Variants in RPTOR observed in about 807,000 individuals in gnomAD.
RPTOR encodes regulatory-associated protein of mTOR.
In RPTOR, 21 loss-of-function variants were observed where a neutral mutation model predicts 169.9. The observed-to-expected ratio is 0.12, with a 90% CI of 0.09 to 0.18. The LOEUF is 0.18. Ranked by LOEUF, RPTOR falls within the 10% of genes least tolerant of loss-of-function variation. The pLI, the probability that RPTOR is intolerant of heterozygous loss-of-function variation, is 1.00. For missense variants in RPTOR, 1,133 were observed against 1,855.9 expected (o/e 0.61, Z 7.16); for synonymous variants, 732 against 753.2 (o/e 0.97, Z 0.46).
chr17:80,838,462 G>T (rs1208012114), intron 10 of RPTOR, among the ~76,000 whole-genome samples: 1 of 152,228 alleles, frequency 6.6e-6, no homozygotes, highest in Non-Finnish European at 1.5e-5. Flanking sequence ...CGGAACCTGG[G>T]TTTAGTCGCC....
rs557872611 is a variant in RPTOR, at chr17:80,782,760, A to G, written c.831-8690A>G. On this transcript the variant is annotated intron_variant, in intron 6 of 33. Coordinates refer to ENST00000306801, the MANE Select transcript of RPTOR (RefSeq NM_020761.3). ...AACTCCAGTCCTCTGTGGCTGTCCC[A>G]CTTCCTGACAGCTTGGCTTCCTTCA... is the stretch of plus-strand genomic sequence containing the variant. 1.6e-3 allele frequency among the ~76,000 whole-genome samples: 237 copies of G among 152,286 alleles called. 1 individual carries two copies. The highest frequency in any genetic ancestry group is 5.5e-3 in the African/African-American group (229 of 41,554).
chr17:80,557,660 C>T lies in RPTOR; in HGVS notation c.162+11869C>T, dbSNP rs184205836. ...TGGAAAATGGCCAGGCACAGTGGCTCACGCCTGTAATCCTAGCACTTTGGG... is the reference window on the plus strand; with the variant it reads ...TGGAAAATGGCCAGGCACAGTGGCTTACGCCTGTAATCCTAGCACTTTGGG... On this transcript the variant is annotated intron_variant, in intron 1 of 33. Coordinates refer to ENST00000306801, the MANE Select transcript of RPTOR (RefSeq NM_020761.3). Among the ~76,000 whole-genome samples, 335 of 152,206 alleles carry T rather than the reference C, an allele frequency of 2.2e-3. 4 individuals carry two copies. The highest frequency in any genetic ancestry group is 7.5e-3 in the African/African-American group (313 of 41,544).
intron 1 of RPTOR, among the ~76,000 whole-genome samples, chr17:80,578,182 T>C (rs913166343): frequency 3.3e-5 from 5 of 152,128 alleles, no homozygotes; most frequent in African/African-American, 1.2e-4. Context: ...GGTTGTTTAG[T>C]GTGGAGTAAA....
At chr17:80,768,618 G>A (rs1442658115) in intron 6 of RPTOR, among the ~76,000 whole-genome samples, 1 of 152,108 alleles carries the variant, frequency 6.6e-6, no homozygotes, top group Non-Finnish European at 1.5e-5. Flanking sequence ...TGGGAAGAAA[G>A]TCATTTGTTG....
chr17:80,547,708 G>GT (rs1432241114), intron 1 of RPTOR, among the ~76,000 whole-genome samples: 1 of 152,164 alleles, frequency 6.6e-6, no homozygotes, highest in Non-Finnish European at 1.5e-5. Flanking sequence ...CTCAAGGACC[G>GT]TATCACACAT....
chr17:80,557,662 C>T (rs1351903730), intron 1 of RPTOR, among the ~76,000 whole-genome samples: 1 of 152,098 alleles, frequency 6.6e-6, no homozygotes, highest in East Asian at 1.9e-4. Flanking sequence ...CAGTGGCTCA[C>T]GCCTGTAATC....
chr17:80,753,700 G>T (rs1318871240), intron 5 of RPTOR, among the ~76,000 whole-genome samples: 1 of 151,786 alleles, frequency 6.6e-6, no homozygotes, highest in Non-Finnish European at 1.5e-5. Flanking sequence ...AGACCTGGTG[G>T]ACAGTGATAC....
At chr17:80,740,845 A>C (rs1374369474) in intron 5 of RPTOR, among the ~76,000 whole-genome samples, 2 of 152,188 alleles carry the variant, frequency 1.3e-5, no homozygotes. Flanking sequence ...TTTCCCCCTT[A>C]AGATTGGAAG....
intron 21 of RPTOR, among the ~76,000 whole-genome samples, chr17:80,922,232 A>G (rs73355873): frequency 0.019 from 2,962 of 152,290 alleles, 104 homozygotes; most frequent in African/African-American, 0.067. Context: ...CGGAAAGAGC[A>G]TGGCTGGTGG....
intron 23 of RPTOR, among the ~76,000 whole-genome samples, chr17:80,924,951 A>G (rs1030463046): frequency 2.6e-5 from 4 of 152,210 alleles, no homozygotes; most frequent in Non-Finnish European, 4.4e-5. Context: ...CGTCCAGGCC[A>G]CTTCACATGG....
chr17:80,617,341 C>T (rs1230208983), intron 1 of RPTOR, among the ~76,000 whole-genome samples: 1 of 152,212 alleles, frequency 6.6e-6, no homozygotes, highest in Non-Finnish European at 1.5e-5. Context: ...TTTTAAACAG[C>T]TCTACTGAGA....
At chr17:80,890,157 C>T (rs964784173) in intron 17 of RPTOR, among the ~76,000 whole-genome samples, 5 of 152,176 alleles carry the variant, frequency 3.3e-5, no homozygotes, top group Admixed American at 2.0e-4. Context: ...GGACATTCCC[C>T]TTGAATAACA....
chr17:80,781,180 C>T (rs1229615576), intron 6 of RPTOR, among the ~76,000 whole-genome samples: 1 of 152,172 alleles, frequency 6.6e-6, no homozygotes, highest in Non-Finnish European at 1.5e-5. Context: ...GTGACATTGC[C>T]GGGTGGCCTG....
At position 80,708,984 on chromosome 17, in the gene RPTOR, C is replaced by T. The variant is rs2066163515; in HGVS notation, c.507+985C>T. 1.0e-6 allele frequency: 1 copy of T among 985,616 alleles called. No individual in the cohort carries two copies. Among genetic ancestry groups the T allele is most frequent in the African/African-American group, 1.7e-5 (1 of 57,214 alleles). 61.1% of individuals were successfully genotyped at this position (985,616 alleles called of 1,614,324 possible). A position where few individuals can be genotyped will look rare whatever the true frequency, so the allele number is the denominator to read the frequency against. ...TCTTCACACACTGAACTCTCGGTTC[C>T]CGCCTACCGTCCCGGGTTCGCAGCT... is the stretch of plus-strand genomic sequence containing the variant. On this transcript the variant is annotated intron_variant, in intron 4 of 33. Transcript: ENST00000306801. The surrounding 1 kb of genome is among the most constrained non-coding windows in gnomAD (Gnocchi z 4.2).
At chr17:80,818,959 G>A (rs1195338861) in intron 7 of RPTOR, among the ~76,000 whole-genome samples, 1 of 152,198 alleles carries the variant, frequency 6.6e-6, no homozygotes, top group East Asian at 1.9e-4. Context: ...GTTAACCAGT[G>A]GTCACAGACT....
rs2066029730 is a variant in RPTOR at position 80,695,580 on chromosome 17, T to C, written c.349-12261T>C. Among the ~76,000 whole-genome samples, 1 of 152,186 alleles carries C rather than the reference T, an allele frequency of 6.6e-6. No homozygotes were observed. The highest frequency in any genetic ancestry group is 1.5e-5 in the Non-Finnish European group (1 of 68,038). On this transcript the variant is annotated intron_variant, in intron 3 of 33. Coordinates refer to ENST00000306801, the MANE Select transcript of RPTOR (RefSeq NM_020761.3). The surrounding 1 kb of genome is among the most constrained non-coding windows in gnomAD (Gnocchi z 4.9). ...CTGCCAGCCACCCAGAGCCAGCGTC[T>C]TCCCAAGCAGCTGTTTTACAGGAAA...
At chr17:80,547,482 T>C (rs562063700) in intron 1 of RPTOR, among the ~76,000 whole-genome samples, 2 of 152,298 alleles carry the variant, frequency 1.3e-5, no homozygotes, top group African/African-American at 4.8e-5. Context: ...CTAATAAGCT[T>C]TTCACAGGTT....
intron 6 of RPTOR, among the ~76,000 whole-genome samples, chr17:80,768,435 C>A (rs988445445): frequency 6.6e-6 from 1 of 152,156 alleles, no homozygotes. Context: ...ATAAAAGGAG[C>A]ATTCAGAAAA....
chr17:80,620,479 T>C (rs1376886046), intron 1 of RPTOR, among the ~76,000 whole-genome samples: 1 of 152,184 alleles, frequency 6.6e-6, no homozygotes, highest in African/African-American at 2.4e-5. Flanking sequence ...CTTACTAAAT[T>C]TGAGGCCAGG....
Sources: gnomAD v4.1 joint callset for allele counts (sites outside exome capture counted in the v4.1 genomes callset) on GRCh38, gnomAD v4.1.1 for gene constraint, Gnocchi (gnomAD v3.1) non-coding constraint, MANE v1.5 for transcripts, NCBI Gene and HGNC (gene_info 2026-07-23, HGNC 2026-07-21) for gene names.